The following ANGPT1 variants were observed in gnomAD, a reference collection of about 807,000 sequenced individuals.
ANGPT1 encodes the protein angiopoietin-1.
In ANGPT1, 17 loss-of-function variants were observed where a neutral mutation model predicts 62.2. The observed-to-expected ratio is 0.27, with a 90% CI of 0.19 to 0.41. The LOEUF is 0.41. ANGPT1 is among the 10% of genes least tolerant of loss of function. ANGPT1 has a pLI of 1.00. For synonymous variants in ANGPT1, 199 were observed against 198.9 expected (o/e 1.00, Z 0.00); for missense variants, 478 against 594.9 (o/e 0.80, Z 2.04).
At chr8:107,414,102 CT>C (rs1391667861) in intron 1 of ANGPT1, among the ~76,000 whole-genome samples, 1 of 152,048 alleles carries the variant, frequency 6.6e-6, no homozygotes, top group Non-Finnish European at 1.5e-5. Context: ...TTTATGATAC[CT>C]TGAACAGCAT....
intron 1 of ANGPT1, among the ~76,000 whole-genome samples, chr8:107,396,286 T>C (rs1324823129): frequency 6.6e-6 from 1 of 152,150 alleles, no homozygotes; most frequent in Non-Finnish European, 1.5e-5. Context: ...TTAGCCAAAT[T>C]ACTTTTCATT....
chr8:107,431,808 C>A (rs1347537233), intron 1 of ANGPT1, among the ~76,000 whole-genome samples: 1 of 151,964 alleles, frequency 6.6e-6, no homozygotes, highest in Admixed American at 6.6e-5. Flanking sequence ...GACTAGATTG[C>A]TTCATAAACC....
intron 1 of ANGPT1, among the ~76,000 whole-genome samples, chr8:107,459,911 A>G (rs72674332): frequency 6.0e-4 from 92 of 152,294 alleles, no homozygotes; most frequent in Non-Finnish European, 1.2e-3. Flanking sequence ...AAAGAAATGA[A>G]AAGAGAACAA....
chr8:107,494,367 A>G (rs1188155272), intron 1 of ANGPT1, among the ~76,000 whole-genome samples: 1 of 152,202 alleles, frequency 6.6e-6, no homozygotes, highest in Non-Finnish European at 1.5e-5. Context: ...AGCTGTATTT[A>G]TCATTACTTA....
chr8:107,291,515 G>A (rs963880722), intron 6 of ANGPT1, among the ~76,000 whole-genome samples: 6 of 152,084 alleles, frequency 3.9e-5, no homozygotes, highest in East Asian at 1.9e-4. Flanking sequence ...AGGTTCAAGC[G>A]ATTCCCCTGC....
Position 107,303,288 on chromosome 8 carries a change from T to G in ANGPT1, c.888A>C (p.Lys296Asn). The change falls in exon 5 of 9, where the codon AAA becomes AAC. Residue 296 changes from lysine to asparagine, a missense_variant. Coordinates refer to ENST00000517746, the MANE Select transcript of ANGPT1 (RefSeq NM_001146.5). ...TAATATAAATAGTGTAGATTCCACT[T>G]TTATTAAAACCAGCTTGATATACAT... Reference protein sequence around the residue: ...CADVYQAGFNKSGIYTIYINN... With the variant: ...CADVYQAGFNNSGIYTIYINN... The G allele has an allele frequency of 6.2e-7, 1 of 1,605,610 alleles. No individual in the cohort carries two copies. The highest frequency in any genetic ancestry group is 8.5e-7 in the Non-Finnish European group (1 of 1,174,408).
intron 7 of ANGPT1, among the ~76,000 whole-genome samples, chr8:107,270,206 C>T (rs1813706609): frequency 6.6e-6 from 1 of 152,014 alleles, no homozygotes; most frequent in African/African-American, 2.4e-5. Flanking sequence ...CTTCACCATA[C>T]TCAGGTGGCC....
chr8:107,260,127 A>G (rs1479605785), intron 8 of ANGPT1, among the ~76,000 whole-genome samples: 1 of 152,164 alleles, frequency 6.6e-6, no homozygotes, highest in Non-Finnish European at 1.5e-5. Context: ...GAAATGAAGA[A>G]CAAAGATCAA....
At chr8:107,361,169 G>A (rs902270142) in intron 1 of ANGPT1, among the ~76,000 whole-genome samples, 6 of 151,824 alleles carry the variant, frequency 4.0e-5, no homozygotes, top group African/African-American at 1.5e-4. Flanking sequence ...CATAATATTA[G>A]AGCATATTCT....
intron 1 of ANGPT1, among the ~76,000 whole-genome samples, chr8:107,354,451 G>T (rs1452435187): frequency 6.6e-6 from 1 of 151,896 alleles, no homozygotes; most frequent in Admixed American, 6.6e-5. Flanking sequence ...TGAAATAAAG[G>T]GCTGGATTCG....
intron 5 of ANGPT1, among the ~76,000 whole-genome samples, chr8:107,299,213 A>C (rs1025504977): frequency 4.0e-5 from 6 of 151,324 alleles, no homozygotes; most frequent in Admixed American, 1.3e-4. Context: ...CGTTAACATA[A>C]ATAATGATCC....
intron 1 of ANGPT1, among the ~76,000 whole-genome samples, chr8:107,354,805 A>G (rs1586250182): frequency 6.6e-6 from 1 of 152,056 alleles, no homozygotes; most frequent in Non-Finnish European, 1.5e-5. Context: ...TTTAATTTTT[A>G]TCACAGTGAA....
chr8:107,306,466 A>G (rs190700278), intron 4 of ANGPT1, among the ~76,000 whole-genome samples: 82 of 152,258 alleles, frequency 5.4e-4, no homozygotes, highest in African/African-American at 1.9e-3. Context: ...AACGATTTAT[A>G]TGTCAACATG....
At chr8:107,351,626 GAGGGGGATTACTTTCA>G (rs1195775150) in intron 1 of ANGPT1, among the ~76,000 whole-genome samples, 1 of 151,812 alleles carries the variant, frequency 6.6e-6, no homozygotes. Flanking sequence ...TGCATCACTA[GAGGGGGATTACTTTCA>G]CTTGGTTTCA....
intron 1 of ANGPT1, among the ~76,000 whole-genome samples, chr8:107,419,589 G>T (rs1810844368): frequency 6.6e-6 from 1 of 152,046 alleles, no homozygotes. Flanking sequence ...ATTAAATAAA[G>T]CTTATTAAGT....
chr8:107,494,134 G>T (rs1813033669), intron 1 of ANGPT1, among the ~76,000 whole-genome samples: 2 of 152,214 alleles, frequency 1.3e-5, no homozygotes, highest in South Asian at 4.1e-4. Context: ...AACAAAAAAA[G>T]ACATCATTTG....
At chr8:107,376,906 T>A (rs1055797738) in intron 1 of ANGPT1, among the ~76,000 whole-genome samples, 7 of 152,162 alleles carry the variant, frequency 4.6e-5, no homozygotes, top group African/African-American at 1.7e-4. Context: ...TTTAGGAAAT[T>A]TCCAATTTTG....
chr8:107,302,146 T>C (rs1294681231), intron 5 of ANGPT1, among the ~76,000 whole-genome samples: 1 of 151,926 alleles, frequency 6.6e-6, no homozygotes, highest in Non-Finnish European at 1.5e-5. Context: ...AAATCAAAGA[T>C]AAAAGGCACA....
At chr8:107,334,841 A>G (rs1815523131) in intron 3 of ANGPT1, among the ~76,000 whole-genome samples, 1 of 152,234 alleles carries the variant, frequency 6.6e-6, no homozygotes, top group East Asian at 1.9e-4. Context: ...TGTTAGTTCT[A>G]GAACATTTAA....
Sources: allele counts gnomAD v4.1 joint callset (sites outside exome capture counted in the v4.1 genomes callset), GRCh38; gene constraint gnomAD v4.1.1; transcripts MANE v1.5; gene names NCBI Gene and HGNC (gene_info 2026-07-23, HGNC 2026-07-21).